Variants in VAV2 observed in about 807,000 individuals in gnomAD.
The protein encoded by VAV2 is guanine nucleotide exchange factor VAV2.
A neutral mutation model predicts 132.5 loss-of-function variants in VAV2; 67 were observed. The observed-to-expected ratio is 0.51, with a 90% CI of 0.42 to 0.62. The LOEUF (loss-of-function observed/expected upper bound fraction) is 0.62, where lower values mean the gene tolerates loss of function less well. Among genes scored for constraint, VAV2 ranks in the 20% least tolerant of loss-of-function variants. The pLI is 0.00. For missense variants in VAV2, 938 were observed against 1,153.6 expected (o/e 0.81, Z 2.71); for synonymous variants, 492 against 443.5 (o/e 1.11, Z -1.37).
intron 1 of VAV2, among the ~76,000 whole-genome samples, chr9:133,986,381 C>T (rs1842856261): frequency 6.6e-6 from 1 of 152,212 alleles, no homozygotes; most frequent in Admixed American, 6.5e-5. Flanking sequence ...GGAGCAGCCC[C>T]AGGTTGACAG....
At chr9:133,789,679 G>A (rs1834375092) in intron 13 of VAV2, among the ~76,000 whole-genome samples, 1 of 152,202 alleles carries the variant, frequency 6.6e-6, no homozygotes. Flanking sequence ...GGACCCGGTC[G>A]GAAAAGCCAG....
chr9:133,975,009 G>A (rs1049834279), intron 1 of VAV2, among the ~76,000 whole-genome samples: 9 of 152,246 alleles, frequency 5.9e-5, no homozygotes, highest in Admixed American at 2.6e-4. Context: ...CCCAGCGTGC[G>A]TCATGGCCCA....
chr9:133,857,734 G>A lies in VAV2; in HGVS notation c.380+3640C>T, dbSNP rs1249470986. Among the ~76,000 whole-genome samples, 2 of 152,200 alleles carry A rather than the reference G, an allele frequency of 1.3e-5. No individual in the cohort carries two copies. Among genetic ancestry groups the A allele is most frequent in the East Asian group, 3.9e-4 (2 of 5,174 alleles). On this transcript the variant is annotated intron_variant, in intron 3 of 29. Transcript: ENST00000371850. The surrounding 1 kb of genome is among the most constrained non-coding windows in gnomAD (Gnocchi z 4.0). Reference sequence around the variant, plus strand: ...TTGCTCAGACGCAGCCACCAAGTGGGGCTGCCTGGGAGGGTTGCCTGTCAC... The same window carrying A: ...TTGCTCAGACGCAGCCACCAAGTGGAGCTGCCTGGGAGGGTTGCCTGTCAC...
At chr9:133,980,507 C>T (rs1156591489) in intron 1 of VAV2, among the ~76,000 whole-genome samples, 2 of 152,308 alleles carry the variant, frequency 1.3e-5, no homozygotes, top group East Asian at 1.9e-4. Flanking sequence ...GTGCTGCCCC[C>T]GACCCTGACA....
intron 1 of VAV2, among the ~76,000 whole-genome samples, chr9:133,981,922 C>T (rs916333029): frequency 3.3e-5 from 5 of 152,222 alleles, no homozygotes; most frequent in Non-Finnish European, 5.9e-5. Context: ...CTTCCTGGCA[C>T]GAAGAGGGCC....
intron 1 of VAV2, among the ~76,000 whole-genome samples, chr9:133,958,724 G>A (rs1841872280): frequency 6.6e-6 from 1 of 152,156 alleles, no homozygotes; most frequent in Non-Finnish European, 1.5e-5. Flanking sequence ...AGGTGTGGAG[G>A]GGCAACCCAC....
chr9:133,896,085 G>A (rs767262304), intron 2 of VAV2, among the ~76,000 whole-genome samples: 2 of 149,432 alleles, frequency 1.3e-5, no homozygotes, highest in South Asian at 2.2e-4. Flanking sequence ...GCGGCCTTCC[G>A]CAGTGTTTGT....
intron 3 of VAV2, among the ~76,000 whole-genome samples, chr9:133,845,391 T>C (rs946394486): frequency 2.6e-5 from 4 of 151,976 alleles, no homozygotes; most frequent in Non-Finnish European, 5.9e-5. Context: ...GGATCCCTAC[T>C]CGGAGAGCTG....
chr9:133,906,414 C>T (rs1839654691), intron 2 of VAV2, among the ~76,000 whole-genome samples: 1 of 152,222 alleles, frequency 6.6e-6, no homozygotes, highest in African/African-American at 2.4e-5. Flanking sequence ...TCACAGTCCT[C>T]CGGGGAGCCG....
chr9:133,862,438 G>A (rs1156564590), intron 2 of VAV2, among the ~76,000 whole-genome samples: 3 of 152,238 alleles, frequency 2.0e-5, no homozygotes, highest in Non-Finnish European at 2.9e-5. Flanking sequence ...GAGGAGGCAG[G>A]TGCGGCCTCG....
At chr9:133,765,901 C>A (rs925723981) in intron 29 of VAV2, among the ~76,000 whole-genome samples, 1 of 151,926 alleles carries the variant, frequency 6.6e-6, no homozygotes, top group Non-Finnish European at 1.5e-5. Flanking sequence ...GTTACTGACA[C>A]TTTTAAGTTG....
chr9:133,781,152 G>A lies in VAV2; in HGVS notation c.1724-442C>T, dbSNP rs555818985. 2.0e-5 allele frequency among the ~76,000 whole-genome samples: 3 copies of A among 152,290 alleles called. No homozygotes were observed. In the East Asian group the frequency reaches 5.8e-4, roughly 29 times the overall value. The stretch of plus-strand genomic sequence containing the variant: ...ATGCTACCTGCCACAACCGCTTAGT[G>A]ATGCCTGCTGGGGCAAGTGATGAGG... On this transcript the variant is annotated intron_variant, in intron 19 of 29. Coordinates refer to ENST00000371850, the MANE Select transcript of VAV2 (RefSeq NM_001134398.2).
Position 133,802,920 on chromosome 9 carries a change from G to A in VAV2, c.836+3161C>T, listed in dbSNP as rs187899562. ...CCTCCGTTTCCCCATCTGGGAAATGGGGGTTAGACAGAGCGGGAGCTGAGG... is the reference window on the plus strand; with the variant it reads ...CCTCCGTTTCCCCATCTGGGAAATGAGGGTTAGACAGAGCGGGAGCTGAGG... On this transcript the variant is annotated intron_variant, in intron 9 of 29. Coordinates refer to ENST00000371850, the MANE Select transcript of VAV2 (RefSeq NM_001134398.2). The surrounding 1 kb of genome is among the most constrained non-coding windows in gnomAD (Gnocchi z 5.8). 9.2e-5 allele frequency among the ~76,000 whole-genome samples: 14 copies of A among 152,312 alleles called. No homozygotes were observed. Among genetic ancestry groups the A allele is most frequent in the African/African-American group, 3.4e-4 (14 of 41,570 alleles).
At chr9:133,986,147 A>G (rs1842850931) in intron 1 of VAV2, among the ~76,000 whole-genome samples, 1 of 152,212 alleles carries the variant, frequency 6.6e-6, no homozygotes, top group Non-Finnish European at 1.5e-5. Context: ...CAGTGAAATC[A>G]AGCAAACTCC....
chr9:133,880,907 A>G (rs1588307011), intron 2 of VAV2, among the ~76,000 whole-genome samples: 1 of 152,218 alleles, frequency 6.6e-6, no homozygotes, highest in African/African-American at 2.4e-5. Flanking sequence ...GTGGCTCAGG[A>G]TGGAGGCAGG....
intron 3 of VAV2, among the ~76,000 whole-genome samples, chr9:133,850,139 T>C (rs1350268942): frequency 2.0e-5 from 3 of 152,172 alleles, no homozygotes; most frequent in African/African-American, 7.2e-5. Flanking sequence ...CAGGCCCACA[T>C]GGGCCTCCAT....
At chr9:133,945,794 C>T (rs1841337545) in intron 1 of VAV2, among the ~76,000 whole-genome samples, 1 of 152,232 alleles carries the variant, frequency 6.6e-6, no homozygotes, top group African/African-American at 2.4e-5. Flanking sequence ...ACCACCGACT[C>T]CTGTCCTGCA....
At chr9:133,828,683 T>C (rs1019926917) in intron 4 of VAV2, among the ~76,000 whole-genome samples, 1 of 152,150 alleles carries the variant, frequency 6.6e-6, no homozygotes, top group Admixed American at 6.5e-5. Flanking sequence ...GGAGAGGTGA[T>C]CCTCCCTGTG....
chr9:133,868,998 CTTTT>C (rs112644029), intron 2 of VAV2, among the ~76,000 whole-genome samples: 1 of 142,358 alleles, frequency 7.0e-6, no homozygotes. Context: ...TCTATTTATT[CTTTT>C]TTTTTTTTTT....
Sources: gnomAD v4.1 joint callset for allele counts (sites outside exome capture counted in the v4.1 genomes callset) on GRCh38, gnomAD v4.1.1 for gene constraint, Gnocchi (gnomAD v3.1) non-coding constraint, MANE v1.5 for transcripts, NCBI Gene and HGNC (gene_info 2026-07-23, HGNC 2026-07-21) for gene names.